The following RAB3C variants were observed in gnomAD, a reference collection of about 807,000 sequenced individuals.
The protein encoded by RAB3C is ras-related protein Rab-3C.
In RAB3C, 17 loss-of-function variants were observed where a neutral mutation model predicts 26.4. The ratio of observed to expected loss-of-function variants is 0.64; its 90% CI spans 0.44 to 0.97. RAB3C has a LOEUF of 0.97. Ranked by LOEUF, RAB3C falls within the 50% of genes least tolerant of loss-of-function variation. The pLI is 0.00. For missense variants in RAB3C, 242 were observed against 281.9 expected (o/e 0.86, Z 1.01); for synonymous variants, 91 against 95.9 (o/e 0.95, Z 0.30).
intron 2 of RAB3C, among the ~76,000 whole-genome samples, chr5:58,680,807 T>TA (rs1748328794): frequency 6.6e-6 from 1 of 152,212 alleles, no homozygotes; most frequent in South Asian, 2.1e-4. Flanking sequence ...TAATCCAAGA[T>TA]ACTCTCCTCA....
At chr5:58,696,818 CT>C (rs1448760282) in intron 2 of RAB3C, among the ~76,000 whole-genome samples, 21 of 152,048 alleles carry the variant, frequency 1.4e-4, no homozygotes, top group Admixed American at 1.4e-3. Flanking sequence ...CTCTTTCCTT[CT>C]TTATTAGTCT....
intron 2 of RAB3C, among the ~76,000 whole-genome samples, chr5:58,654,955 A>G (rs915327456): frequency 1.3e-5 from 2 of 152,200 alleles, no homozygotes; most frequent in African/African-American, 4.8e-5. Flanking sequence ...TAAATTATGC[A>G]CATATAATTT....
chr5:58,799,354 T>TC (rs1327315478), intron 3 of RAB3C, among the ~76,000 whole-genome samples: 4 of 152,042 alleles, frequency 2.6e-5, no homozygotes, highest in Admixed American at 2.0e-4. Context: ...GGCTTTAATT[T>TC]TTTTTTTTAA....
rs145120132 is a variant in RAB3C at position 58,675,862 on chromosome 5, T to C, written c.253-50140T>C. Reference sequence around the variant, plus strand: ...ATTGACTCCTCTGTTGGCGTCAGCTTTCCCCTCTGGTCTCCTGGGTGGGTT... The same window carrying C: ...ATTGACTCCTCTGTTGGCGTCAGCTCTCCCCTCTGGTCTCCTGGGTGGGTT... On this transcript the variant is annotated intron_variant, in intron 2 of 4. Coordinates refer to ENST00000282878, the MANE Select transcript of RAB3C (RefSeq NM_138453.4). 9.6e-4 allele frequency among the ~76,000 whole-genome samples: 146 copies of C among 152,204 alleles called. 2 individuals carry two copies. In the East Asian group the frequency reaches 0.022, roughly 23 times the overall value.
intron 1 of RAB3C, among the ~76,000 whole-genome samples, chr5:58,606,040 G>C (rs1041678838): frequency 3.3e-5 from 5 of 152,204 alleles, no homozygotes; most frequent in African/African-American, 1.2e-4. Context: ...CATCTCATTA[G>C]GACTGGTTGG....
chr5:58,839,622 G>A (rs916566306), intron 4 of RAB3C, among the ~76,000 whole-genome samples: 4 of 151,916 alleles, frequency 2.6e-5, no homozygotes, highest in African/African-American at 4.8e-5. Flanking sequence ...CACCCGCCTC[G>A]GCCTCCCAAA....
At chr5:58,797,346 AAAAAAAAATATGTATATATAT>A (rs1208256964) in intron 3 of RAB3C, among the ~76,000 whole-genome samples, 4 of 5,324 alleles carry the variant, frequency 7.5e-4, no homozygotes, top group African/African-American at 2.4e-3. Flanking sequence ...AGACAAAAAA[AAAAAAAAATATGTATATATAT>A]AATATATATA....
chr5:58,586,545 C>G (rs1746011598), intron 1 of RAB3C, among the ~76,000 whole-genome samples: 1 of 152,110 alleles, frequency 6.6e-6, no homozygotes, highest in African/African-American at 2.4e-5. Context: ...TTGCTTCTAT[C>G]TATTATAATT....
At chr5:58,755,942 T>C (rs570141371) in intron 3 of RAB3C, among the ~76,000 whole-genome samples, 1 of 152,350 alleles carries the variant, frequency 6.6e-6, no homozygotes, top group East Asian at 1.9e-4. Flanking sequence ...CATACAAGTA[T>C]TTTTAATGAA....
At chr5:58,810,087 C>T (rs1309519226) in intron 3 of RAB3C, among the ~76,000 whole-genome samples, 1 of 152,156 alleles carries the variant, frequency 6.6e-6, no homozygotes, top group African/African-American at 2.4e-5. Context: ...AACAATAGAG[C>T]TGTTGCCCCT....
intron 3 of RAB3C, among the ~76,000 whole-genome samples, chr5:58,744,747 G>A (rs1453674841): frequency 6.6e-6 from 1 of 152,074 alleles, no homozygotes; most frequent in Non-Finnish European, 1.5e-5. Flanking sequence ...AGCATACAAG[G>A]TTCTGTTATG....
At chr5:58,634,103 T>C (rs1291258294) in intron 2 of RAB3C, among the ~76,000 whole-genome samples, 1 of 151,226 alleles carries the variant, frequency 6.6e-6, no homozygotes, top group Non-Finnish European at 1.5e-5. Context: ...ATTGCGCCAC[T>C]GCACTCCAGC....
At chr5:58,701,041 G>C (rs1035325825) in intron 2 of RAB3C, among the ~76,000 whole-genome samples, 7 of 151,738 alleles carry the variant, frequency 4.6e-5, no homozygotes, top group African/African-American at 1.7e-4. Context: ...TGTCACCCAG[G>C]CTGGAGTGCA....
chr5:58,825,573 T>A (rs1277796099), intron 4 of RAB3C, among the ~76,000 whole-genome samples: 1 of 152,236 alleles, frequency 6.6e-6, no homozygotes, highest in African/African-American at 2.4e-5. Context: ...GGTCACATCC[T>A]AGATTCTGAT....
In RAB3C at chr5:58,758,099, G is replaced by A. The variant is rs528627531; in HGVS notation, c.371+31979G>A. 6.1e-4 allele frequency among the ~76,000 whole-genome samples: 93 copies of A among 152,086 alleles called. 4 individuals are homozygous for A. The South Asian group carries it at 0.019, about 31-fold the overall frequency. On this transcript the variant is annotated intron_variant, in intron 3 of 4. Transcript: ENST00000282878. ...TGGGACTACAGGTGCCCACCACCACGCCCGGCTAATTTTTTGTATTTTTTT... is the reference window on the plus strand; with the variant it reads ...TGGGACTACAGGTGCCCACCACCACACCCGGCTAATTTTTTGTATTTTTTT...
upstream of RAB3C, among the ~76,000 whole-genome samples, chr5:58,582,781 A>C (rs1745925832): frequency 6.6e-6 from 1 of 152,186 alleles, no homozygotes; most frequent in African/African-American, 2.4e-5. Context: ...ATAGTTAGCA[A>C]AGAAAAATCT....
At chr5:58,693,322 T>TTTTATATATA (rs1748610571) in intron 2 of RAB3C, among the ~76,000 whole-genome samples, 6 of 75,234 alleles carry the variant, frequency 8.0e-5, no homozygotes, top group African/African-American at 3.3e-4. Context: ...AATTAAGAAA[T>TTTTATATATA]TATATATATA....
chr5:58,846,066 C>A (rs565132899), intron 4 of RAB3C, among the ~76,000 whole-genome samples: 12 of 152,274 alleles, frequency 7.9e-5, no homozygotes, highest in African/African-American at 2.9e-4. Flanking sequence ...TAGCTTATTA[C>A]ACTTAGCATA....
chr5:58,693,336 G>GTATATATATATATATATATATATATATA (rs61291213), intron 2 of RAB3C, among the ~76,000 whole-genome samples: 5 of 111,738 alleles, frequency 4.5e-5, no homozygotes, highest in African/African-American at 1.9e-4. Context: ...ATATATATGT[G>GTATATATATATATATATATATATATATA]TATATATATA....
Sources: allele counts gnomAD v4.1 joint callset (sites outside exome capture counted in the v4.1 genomes callset), GRCh38; gene constraint gnomAD v4.1.1; transcripts MANE v1.5; gene names NCBI Gene and HGNC (gene_info 2026-07-23, HGNC 2026-07-21).